ATP9B: variants seen among roughly 807,000 people sequenced by gnomAD.
ATP9B encodes the protein probable phospholipid-transporting ATPase IIB.
Under a neutral mutation model 146.1 loss-of-function variants are expected in ATP9B, and 110 were observed. That is an observed-to-expected ratio of 0.75 (90% CI 0.65 to 0.88). The LOEUF (loss-of-function observed/expected upper bound fraction) is 0.88, where lower values mean the gene tolerates loss of function less well. ATP9B is among the 40% of genes least tolerant of loss of function. ATP9B has a pLI of 0.00. For synonymous variants in ATP9B, 604 were observed against 569.7 expected, an observed-to-expected ratio of 1.06 and a Z score of -0.86; for missense variants, 1,499 against 1,496.4, an observed-to-expected ratio of 1.00 and a Z score of -0.03.
At chr18:79,283,217 C>G (rs1402855083) in intron 13 of ATP9B, among the ~76,000 whole-genome samples, 2 of 152,148 alleles carry the variant, frequency 1.3e-5, no homozygotes, top group Non-Finnish European at 2.9e-5. Flanking sequence ...CCTTGGGGGC[C>G]TCAGTCACAG....
chr18:79,334,786 C>A (rs1366463506), intron 17 of ATP9B, among the ~76,000 whole-genome samples: 6 of 151,716 alleles, frequency 4.0e-5, no homozygotes, highest in Admixed American at 6.6e-5. Context: ...GACGCCCACC[C>A]CCCCCTTGTG....
intron 7 of ATP9B, chr18:79,174,252 G>A (rs1032412717): frequency 8.6e-6 from 3 of 349,238 alleles, no homozygotes; most frequent in South Asian, 2.2e-5. Context: ...TAGTGTAATG[G>A]ACTGCTGCGT....
chr18:79,095,172 C>A (rs1372927362), intron 1 of ATP9B, among the ~76,000 whole-genome samples: 1 of 152,186 alleles, frequency 6.6e-6, no homozygotes, highest in Non-Finnish European at 1.5e-5. Flanking sequence ...TTAATTTCCA[C>A]TTATTGCTCC....
chr18:79,372,582 C>T (rs1349242959), intron 26 of ATP9B: 1 of 641,742 alleles, frequency 1.6e-6, no homozygotes, highest in Middle Eastern at 2.5e-4. Flanking sequence ...GCAGGTCAAA[C>T]AGAAGACAAC....
chr18:79,219,275 C>G (rs138602175), intron 11 of ATP9B, among the ~76,000 whole-genome samples: 2 of 152,086 alleles, frequency 1.3e-5, no homozygotes, highest in African/African-American at 2.4e-5. Context: ...GGAGCCGGGT[C>G]CAGGGTGAGG....
intron 26 of ATP9B, chr18:79,359,775 C>A: frequency 3.2e-6 from 1 of 310,862 alleles, no homozygotes. Context: ...GTGAGCTCAC[C>A]AAATGTCAGA....
chr18:79,164,125 G>A (rs567740570), intron 7 of ATP9B, among the ~76,000 whole-genome samples: 3 of 152,100 alleles, frequency 2.0e-5, no homozygotes, highest in South Asian at 2.1e-4. Flanking sequence ...GGGTTTTCTC[G>A]TGTTGCCCAA....
At chr18:79,218,833 T>G (rs2095652749) in intron 11 of ATP9B, among the ~76,000 whole-genome samples, 1 of 152,232 alleles carries the variant, frequency 6.6e-6, no homozygotes. Flanking sequence ...TTAAAAGGCC[T>G]TGGCCAAGTT....
At chr18:79,299,793 G>C (rs993702836) in intron 13 of ATP9B, 3 of 152,252 alleles carry the variant, frequency 2.0e-5, no homozygotes, top group African/African-American at 7.2e-5. Flanking sequence ...TCAATGAGTA[G>C]TGATGCATTT....
At chr18:79,201,092 T>C in intron 9 of ATP9B, among the ~76,000 whole-genome samples, 1 of 152,202 alleles carries the variant, frequency 6.6e-6, no homozygotes, top group East Asian at 1.9e-4. Flanking sequence ...AACTTATTTG[T>C]GGTTTTCAAG....
chr18:79,302,455 C>A (rs1000312869), intron 13 of ATP9B, among the ~76,000 whole-genome samples: 2 of 152,114 alleles, frequency 1.3e-5, no homozygotes, highest in African/African-American at 4.8e-5. Flanking sequence ...TAAGTGCACA[C>A]ACCCCCGGGG....
At chr18:79,171,650 G>A (rs1173390270) in intron 7 of ATP9B, among the ~76,000 whole-genome samples, 2 of 152,096 alleles carry the variant, frequency 1.3e-5, no homozygotes, top group African/African-American at 4.8e-5. Flanking sequence ...GTAAGGCTGT[G>A]TTATTTCATC....
intron 26 of ATP9B, among the ~76,000 whole-genome samples, chr18:79,368,964 G>A (rs1260099887): frequency 5.5e-5 from 8 of 144,470 alleles, no homozygotes; most frequent in African/African-American, 1.2e-4. Context: ...TCTCTCCCCG[G>A]CGCCACCGTG....
At chr18:79,070,605 T>C (rs2071613879) in intron 1 of ATP9B, among the ~76,000 whole-genome samples, 2 of 152,236 alleles carry the variant, frequency 1.3e-5, no homozygotes, top group Non-Finnish European at 2.9e-5. Flanking sequence ...TTAGGAGTTC[T>C]TTAGTTGGAA....
chr18:79,296,085 A>G (rs2096545770), intron 13 of ATP9B, among the ~76,000 whole-genome samples: 1 of 152,146 alleles, frequency 6.6e-6, no homozygotes, highest in Admixed American at 6.5e-5. Context: ...TCGTGATCAC[A>G]GCTCACTGCA....
chr18:79,288,749 G>C (rs575611543), intron 13 of ATP9B, among the ~76,000 whole-genome samples: 1 of 152,312 alleles, frequency 6.6e-6, no homozygotes. Flanking sequence ...GCAGCGGCTG[G>C]TACCAGTTGT....
intron 1 of ATP9B, among the ~76,000 whole-genome samples, chr18:79,094,969 A>G (rs1427496952): frequency 6.6e-6 from 1 of 152,198 alleles, no homozygotes; most frequent in Middle Eastern, 3.2e-3. Flanking sequence ...CTGGGTACTT[A>G]AAACGTGCTG....
intron 15 of ATP9B, among the ~76,000 whole-genome samples, chr18:79,315,423 G>A (rs2096673922): frequency 1.3e-5 from 2 of 152,158 alleles, no homozygotes. Flanking sequence ...AGCTTTTTCA[G>A]ATGATCAAAT....
chr18:79,111,023 T>C (rs1448766123), intron 3 of ATP9B, among the ~76,000 whole-genome samples: 1 of 152,226 alleles, frequency 6.6e-6, no homozygotes, highest in Non-Finnish European at 1.5e-5. Context: ...GACCTTCTTA[T>C]ATTGTTATAT....
Sources: gnomAD v4.1 joint callset for allele counts (sites outside exome capture counted in the v4.1 genomes callset) on GRCh38, gnomAD v4.1.1 for gene constraint, MANE v1.5 for transcripts, NCBI Gene and HGNC (gene_info 2026-07-23, HGNC 2026-07-21) for gene names.